Variants in PRCD observed in about 807,000 individuals in gnomAD.
PRCD encodes the protein photoreceptor disc component.
A neutral mutation model predicts 10.1 loss-of-function variants in PRCD; 12 were observed. That is an observed-to-expected ratio of 1.18 (90% CI 0.76 to 1.92). The LOEUF is 1.92. Ranked by LOEUF, PRCD falls within the 40% of genes most tolerant of loss-of-function variation. The probability of loss-of-function intolerance (pLI) is 0.00; values close to 1 mark genes in which losing one functional copy is unlikely to be tolerated. For missense variants in PRCD, 61 were observed against 72.2 expected (o/e 0.84, Z 0.56); for synonymous variants, 31 against 26.2 (o/e 1.18, Z -0.56).
chr17:76,544,995 AGC>A lies in PRCD; in HGVS notation c.*1347_*1348del. The stretch of plus-strand genomic sequence containing the variant: ...AGAGAGGAAGGGGCTGCTGGCGGCC[AGC>A]GGGGCTGTGGCTGCCTGGGCTTGGA... On this transcript the variant is annotated 3_prime_UTR_variant, in exon 5 of 5. Coordinates refer to ENST00000592014, the MANE Select transcript of PRCD (RefSeq NM_001077620.3). 2.2e-6 allele frequency: 1 copy of A among 447,490 alleles called. No individual in the cohort carries two copies. The highest frequency in any genetic ancestry group is 1.6e-5 in the South Asian group (1 of 63,882). 27.7% of individuals were successfully genotyped at this position (447,490 alleles called of 1,614,324 possible).
chr17:76,537,283 G>A (rs1341296248), upstream of PRCD: 6 of 1,200,508 alleles, frequency 5.0e-6, no homozygotes, highest in Non-Finnish European at 6.5e-6. Flanking sequence ...CCTCGGACCG[G>A]CCCCATTCGC....
intron 2 of PRCD, 104 bp from the exon 3 acceptor site, chr17:76,542,449 T>C: frequency 7.5e-7 from 1 of 1,334,864 alleles, no homozygotes; most frequent in South Asian, 1.2e-5. Context: ...TGCCCCTCAA[T>C]ATTGGGGTGA....
intron 1 of PRCD, chr17:76,529,048 C>A (rs1255478862): frequency 7.0e-6 from 3 of 431,218 alleles, no homozygotes; most frequent in Non-Finnish European, 6.0e-6. Context: ...CATTGCGCCC[C>A]CCCCCCACCC....
chr17:76,530,852 G>T lies in PRCD; in HGVS notation n.45+3019G>T. The T allele has an allele frequency of 1.9e-6, 2 of 1,062,486 alleles. No individual in the cohort carries two copies. The highest frequency in any genetic ancestry group is 1.8e-5 in the South Asian group (1 of 56,880). 65.8% of individuals were successfully genotyped at this position (1,062,486 alleles called of 1,614,324 possible). A position where few individuals can be genotyped will look rare whatever the true frequency, so the allele number is the denominator to read the frequency against. On this transcript the variant is annotated intron_variant and non_coding_transcript_variant, in intron 1 of 4. Transcript: ENST00000397633. The surrounding 1 kb of genome is among the most constrained non-coding windows in gnomAD (Gnocchi z 6.1). ...CTGTTCTTACATGTCAGACCCCAGGGTTGGCCTGCCTCAAGTGTGCCTGCC... is the reference window on the plus strand; with the variant it reads ...CTGTTCTTACATGTCAGACCCCAGGTTTGGCCTGCCTCAAGTGTGCCTGCC...
At chr17:76,537,461 G>A, upstream of PRCD, 1 of 1,597,508 alleles carries the variant, frequency 6.3e-7, no homozygotes, top group East Asian at 2.3e-5. Context: ...CACATAGCCT[G>A]CACCGCCTTC....
chr17:76,538,356 C>T (rs2074947449), upstream of PRCD: 11 of 343,296 alleles, frequency 3.2e-5, no homozygotes, highest in South Asian at 2.1e-4. Flanking sequence ...GCCCGCCCAC[C>T]GCCCCGGCTG....
Position 76,544,654 on chromosome 17 carries a change from G to A in PRCD, c.*1004G>A. The A allele has an allele frequency of 2.2e-6, 1 of 456,808 alleles. No homozygotes were observed. The highest frequency in any genetic ancestry group is 1.5e-5 in the South Asian group (1 of 64,576). The allele number at this position is 456,808 out of a possible 1,614,324, so 28.3% of individuals were successfully genotyped here. ...CTGTCAGCCTGTCTCTCTCTTTGGAGGCATCGGCCTTCCTGGTGACAGGCC... is the reference window on the plus strand; with the variant it reads ...CTGTCAGCCTGTCTCTCTCTTTGGAAGCATCGGCCTTCCTGGTGACAGGCC... On this transcript the variant is annotated 3_prime_UTR_variant, in exon 5 of 5. Coordinates refer to ENST00000592014, the MANE Select transcript of PRCD (RefSeq NM_001077620.3).
In PRCD at chr17:76,540,664, CGCCTGTGCGT is replaced by C. The variant is rs1370267313; in HGVS notation, c.143+94_143+103del. ...GGGGGTGCACGTGTGTGCCTGTGCG[CGCCTGTGCGT>C]GCACCGTATCCTGGCCCTTGCCCTA... On this transcript the variant is annotated intron_variant, in intron 2 of 4. Coordinates refer to ENST00000592014, the MANE Select transcript of PRCD (RefSeq NM_001077620.3). The surrounding 1 kb of genome is among the most constrained non-coding windows in gnomAD (Gnocchi z 5.0). The C allele has an allele frequency of 7.6e-7, 1 of 1,314,340 alleles. No individual in the cohort carries two copies. The highest frequency in any genetic ancestry group is 1.1e-6 in the Non-Finnish European group (1 of 919,662). The allele number at this position is 1,314,340 out of a possible 1,614,324, so 81.4% of individuals were successfully genotyped here. A position where few individuals can be genotyped will look rare whatever the true frequency, so the allele number is the denominator to read the frequency against.
Position 76,530,060 on chromosome 17 carries a change from A to G in PRCD, n.45+2227A>G. 2 of 985,430 alleles carry G rather than the reference A, an allele frequency of 2.0e-6. No homozygotes were observed. The highest frequency in any genetic ancestry group is 2.4e-6 in the Non-Finnish European group (2 of 829,926). 61.0% of individuals were successfully genotyped at this position (985,430 alleles called of 1,614,324 possible). A position where few individuals can be genotyped will look rare whatever the true frequency, so the allele number is the denominator to read the frequency against. ...GGCCGGCAGTCTTGGGGGCCCGTGC[A>G]GAGCCCGGCGGGAGACGCCGCCTTT... On this transcript the variant is annotated intron_variant and non_coding_transcript_variant, in intron 1 of 4. Transcript: ENST00000397633. This position sits in a 1 kb window ranked among gnomAD's most constrained non-coding sequence, Gnocchi z 6.1.
chr17:76,537,569 T>C (rs775066809), upstream of PRCD: 19 of 1,304,408 alleles, frequency 1.5e-5, no homozygotes, highest in Non-Finnish European at 1.9e-5. Context: ...AGCCCGGCTT[T>C]GCTCGGCGGC....
chr17:76,548,993 C>T (rs2075082225), downstream of PRCD, among the ~76,000 whole-genome samples: 1 of 152,180 alleles, frequency 6.6e-6, no homozygotes, highest in South Asian at 2.1e-4. Context: ...GAGGTCAAGA[C>T]AGTGTGAGAT....
chr17:76,531,000 T>G lies in PRCD; in HGVS notation n.45+3167T>G, dbSNP rs781348163. 6.2e-7 allele frequency: 1 copy of G among 1,611,036 alleles called. No individual in the cohort carries two copies. Among genetic ancestry groups the G allele is most frequent in the Non-Finnish European group, 8.5e-7 (1 of 1,178,524 alleles). On this transcript the variant is annotated intron_variant and non_coding_transcript_variant, in intron 1 of 4. Coordinates refer to the PRCD transcript ENST00000397633. This position sits in a 1 kb window ranked among gnomAD's most constrained non-coding sequence, Gnocchi z 6.1. ...TCACGTGGTGGCGTTGGGGACCTGC[T>G]GCACCCAGCCCACTTCCTTGTAGGC...
intron 2 of PRCD, among the ~76,000 whole-genome samples, chr17:76,541,608 C>T (rs183903707): frequency 6.7e-4 from 102 of 152,308 alleles, no homozygotes; most frequent in African/African-American, 3.6e-4. Flanking sequence ...TGGGCCTGTA[C>T]AGGAAGCGGA....
intron 2 of PRCD, among the ~76,000 whole-genome samples, chr17:76,541,108 C>G (rs1010902280): frequency 6.6e-6 from 1 of 152,204 alleles, no homozygotes; most frequent in Non-Finnish European, 1.5e-5. Context: ...TAACTCTTCC[C>G]TAGGCTGGAG....
chr17:76,541,946 CTTG>C (rs1228231106), intron 2 of PRCD, among the ~76,000 whole-genome samples: 8 of 152,180 alleles, frequency 5.3e-5, no homozygotes, highest in Non-Finnish European at 8.8e-5. Context: ...TAGCAGCTGT[CTTG>C]TTTCATGCTC....
Position 76,529,914 on chromosome 17 carries a change from G to C in PRCD, n.45+2081G>C, listed in dbSNP as rs549764364. 1.8e-3 allele frequency: 1,818 copies of C among 985,326 alleles called. 4 individuals are homozygous for C. The highest frequency in any genetic ancestry group is 2.1e-3 in the Non-Finnish European group (1,751 of 829,902). 61.0% of individuals were successfully genotyped at this position (985,326 alleles called of 1,614,324 possible). A position where few individuals can be genotyped will look rare whatever the true frequency, so the allele number is the denominator to read the frequency against. On this transcript the variant is annotated intron_variant and non_coding_transcript_variant, in intron 1 of 4. Transcript: ENST00000397633. ...TCTTGGGGTGGTGCTGACGGGAGAGGGGGGAGGGGAGCAGGAGCCAGCCCG... is the reference window on the plus strand; with the variant it reads ...TCTTGGGGTGGTGCTGACGGGAGAGCGGGGAGGGGAGCAGGAGCCAGCCCG...
Position 76,531,259 on chromosome 17 carries a change from A to G in PRCD, n.45+3426A>G. On this transcript the variant is annotated intron_variant and non_coding_transcript_variant, in intron 1 of 4. Transcript: ENST00000397633. This position sits in a 1 kb window ranked among gnomAD's most constrained non-coding sequence, Gnocchi z 7.4. The stretch of plus-strand genomic sequence containing the variant: ...ATCATTCCTAACGCAACAGTCTGGC[A>G]GCTTTGGGAACCCCGTGCTCTCAGG... 7.8e-7 allele frequency: 1 copy of G among 1,280,058 alleles called. No individual in the cohort carries two copies. Among genetic ancestry groups the G allele is most frequent in the Non-Finnish European group, 1.1e-6 (1 of 927,238 alleles). The allele number at this position is 1,280,058 out of a possible 1,614,324, so 79.3% of individuals were successfully genotyped here.
chr17:76,547,700 GAC>G (rs140351477), downstream of PRCD, among the ~76,000 whole-genome samples: 33 of 136,024 alleles, frequency 2.4e-4, no homozygotes, highest in East Asian at 8.8e-4. Context: ...CACACACACA[GAC>G]ACACACACAC....
At chr17:76,547,850 CACAG>C (rs879830898), downstream of PRCD, among the ~76,000 whole-genome samples, 3,924 of 131,634 alleles carry the variant, frequency 0.03, 64 homozygotes, top group Middle Eastern at 0.054. Flanking sequence ...TTCACACACA[CACAG>C]ACATACACAT....
Sources: gnomAD v4.1 joint callset for allele counts (sites outside exome capture counted in the v4.1 genomes callset) on GRCh38, gnomAD v4.1.1 for gene constraint, Gnocchi (gnomAD v3.1) non-coding constraint, MANE v1.5 for transcripts, NCBI Gene and HGNC (gene_info 2026-07-23, HGNC 2026-07-21) for gene names.